Variants in VWF observed in about 807,000 individuals in gnomAD.
VWF encodes von Willebrand factor, also known as Factor VIII related antigen.
In VWF, 176 loss-of-function variants were observed where a neutral mutation model predicts 308.6. That is an observed-to-expected ratio of 0.57 (90% CI 0.50 to 0.65). The LOEUF (loss-of-function observed/expected upper bound fraction) is 0.65, where lower values mean the gene tolerates loss of function less well. Ranked by LOEUF, VWF falls within the 30% of genes least tolerant of loss-of-function variation. The pLI, the probability that VWF is intolerant of heterozygous loss-of-function variation, is 0.00. For missense variants in VWF, 3,146 were observed against 3,648.2 expected (o/e 0.86, Z 3.55); for synonymous variants, 1,385 against 1,443.4 (o/e 0.96, Z 0.92).
chr12:6,063,375 G>T lies in VWF; in HGVS notation c.1433-321C>A, dbSNP rs556709451. Among the ~76,000 whole-genome samples the T allele has an allele frequency of 1.9e-4, 29 of 152,270 alleles. No individual in the cohort carries two copies. The highest frequency in any genetic ancestry group is 6.7e-4 in the African/African-American group (28 of 41,536). On this transcript the variant is annotated intron_variant, in intron 12 of 51. Coordinates refer to ENST00000261405, the MANE Select transcript of VWF (RefSeq NM_000552.5). This position sits in a 1 kb window ranked among gnomAD's most constrained non-coding sequence, Gnocchi z 4.9. ...AGGCAGGTGCCCTGGAGCAGAGGGGGATCTCTTTAGCATTGACACCACGAC... is the reference window on the plus strand; with the variant it reads ...AGGCAGGTGCCCTGGAGCAGAGGGGTATCTCTTTAGCATTGACACCACGAC...
chr12:5,987,219 T>C (rs1176245315), intron 38 of VWF, among the ~76,000 whole-genome samples: 1 of 152,186 alleles, frequency 6.6e-6, no homozygotes, highest in African/African-American at 2.4e-5. Flanking sequence ...TGAGCCACTA[T>C]GCCCGGCCCA....
In VWF at chr12:5,981,929, T is replaced by C. The variant is rs749206995; in HGVS notation, c.7144A>G (p.Thr2382Ala). ...PPSCPPHRLPTLRKTQCCDEY... is the reference protein window; with the variant it reads ...PPSCPPHRLPALRKTQCCDEY... Reference sequence around the variant, plus strand: ...TCACAGCACTGGGTCTTCCGAAGGGTGGGCAAACGGTGCGGGGGGCAGGAG... The same window carrying C: ...TCACAGCACTGGGTCTTCCGAAGGGCGGGCAAACGGTGCGGGGGGCAGGAG... The change falls in exon 42 of 52, where the codon ACC (threonine) becomes GCC (alanine). Residue 2382 changes from threonine (T) to alanine (A), a missense_variant. By Grantham distance (58) the Thr-to-Ala change is moderately conservative. Around this residue, in one of 3 missense-constraint regions of VWF, gnomAD observed 989 missense variants for 1,117.4 expected, o/e 0.89. Transcript: ENST00000261405. 1.5e-6 allele frequency: 2 copies of C among 1,333,778 alleles called. No homozygotes were observed. Among genetic ancestry groups the C allele is most frequent in the Non-Finnish European group, 2.0e-6 (2 of 978,328 alleles). 82.6% of individuals were successfully genotyped at this position (1,333,778 alleles called of 1,614,324 possible). A position where few individuals can be genotyped will look rare whatever the true frequency, so the allele number is the denominator to read the frequency against.
chr12:6,042,145 A>G (rs1247110554), intron 18 of VWF, among the ~76,000 whole-genome samples: 1 of 152,210 alleles, frequency 6.6e-6, no homozygotes, highest in Non-Finnish European at 1.5e-5. Context: ...GGAGTGGGAA[A>G]GCAGGGAAGC....
intron 31 of VWF, among the ~76,000 whole-genome samples, chr12:6,015,180 G>A (rs2363333): frequency 2.6e-5 from 4 of 152,074 alleles, no homozygotes; most frequent in African/African-American, 9.7e-5. Context: ...CTCAACAAAC[G>A]TTAAATGGTC....
At chr12:5,964,826 T>A (rs1439980774) in intron 47 of VWF, among the ~76,000 whole-genome samples, 1 of 152,110 alleles carries the variant, frequency 6.6e-6, no homozygotes, top group Non-Finnish European at 1.5e-5. Context: ...AGGGCAGTTA[T>A]GCGAGAAGAA....
chr12:6,027,827 AAAC>A (rs1360727374), intron 22 of VWF, among the ~76,000 whole-genome samples: 1 of 144,676 alleles, frequency 6.9e-6, no homozygotes, highest in Non-Finnish European at 1.5e-5. Context: ...AGCAATAAAA[AAAC>A]AAATACATGG....
chr12:6,078,318 T>C (rs1338955210), intron 6 of VWF, among the ~76,000 whole-genome samples: 1 of 152,208 alleles, frequency 6.6e-6, no homozygotes, highest in African/African-American at 2.4e-5. Flanking sequence ...AGTGAGTTTC[T>C]AGTAGCAGGG....
Position 5,993,878 on chromosome 12 carries a change from C to T in VWF, c.6582G>A (p.Arg2194=). 1 of 1,613,304 alleles carries T rather than the reference C, an allele frequency of 6.2e-7. No homozygotes were observed. The highest frequency in any genetic ancestry group is 8.5e-7 in the Non-Finnish European group (1 of 1,179,896). ...CRTNGVCVDW[R]TPDFCAMSCP... ...GAGACTCACCACAGAAATCAGGTGT[C>T]CTCCAGTCAACGCAGACCCCGTTGG... is the stretch of plus-strand genomic sequence containing the variant. Residue 2194 remains arginine, a synonymous_variant, in exon 37 of 52, where the codon AGG becomes AGA. Coordinates refer to ENST00000261405, the MANE Select transcript of VWF (RefSeq NM_000552.5).
intron 34 of VWF, among the ~76,000 whole-genome samples, chr12:6,000,472 T>C (rs1331340407): frequency 6.6e-6 from 1 of 152,116 alleles, no homozygotes; most frequent in Non-Finnish European, 1.5e-5. Context: ...TTTAAATACA[T>C]AGGAATTAAT....
chr12:6,047,183 G>A (rs1012824434), intron 16 of VWF, among the ~76,000 whole-genome samples: 5 of 151,942 alleles, frequency 3.3e-5, no homozygotes, highest in African/African-American at 1.2e-4. Flanking sequence ...CCTTCCCCAG[G>A]CTCTGTCCTA....
chr12:6,091,982 G>A (rs902758123), intron 6 of VWF, among the ~76,000 whole-genome samples: 3 of 152,142 alleles, frequency 2.0e-5, no homozygotes, highest in East Asian at 1.9e-4. Context: ...GATGGGCTGC[G>A]CACTCGGGTG....
chr12:6,054,320 A>T (rs1944552728), intron 15 of VWF, among the ~76,000 whole-genome samples: 1 of 152,226 alleles, frequency 6.6e-6, no homozygotes, highest in South Asian at 2.1e-4. Context: ...GGATTATTGG[A>T]TGAATACTGA....
chr12:6,117,416 C>A (rs1472123845), intron 3 of VWF, among the ~76,000 whole-genome samples: 1 of 152,212 alleles, frequency 6.6e-6, no homozygotes, highest in Non-Finnish European at 1.5e-5. Context: ...GTGGAAATGC[C>A]TGGGGGCCCA....
In VWF at chr12:6,045,903, C is replaced by A. The variant is rs952245481; in HGVS notation, c.2281+820G>T. Among the ~76,000 whole-genome samples, 59 of 152,192 alleles carry A rather than the reference C, an allele frequency of 3.9e-4. 1 individual carries two copies. Among genetic ancestry groups the A allele is most frequent in the African/African-American group, 1.4e-3 (57 of 41,440 alleles). On this transcript the variant is annotated intron_variant, in intron 17 of 51. Coordinates refer to ENST00000261405, the MANE Select transcript of VWF (RefSeq NM_000552.5). ...GAAACCCCCAGTACCAGGTCAGCCC[C>A]TTCTCCCTTCCATGCCTGGTCCTTA...
intron 3 of VWF, among the ~76,000 whole-genome samples, chr12:6,120,325 G>A (rs1179572826): frequency 6.6e-6 from 1 of 151,498 alleles, no homozygotes; most frequent in African/African-American, 2.4e-5. Context: ...TTTTTTGTGG[G>A]TTGTTTTTTT....
At chr12:5,977,895 T>TTA (rs570818983) in intron 42 of VWF, among the ~76,000 whole-genome samples, 2 of 148,046 alleles carry the variant, frequency 1.4e-5, no homozygotes, top group African/African-American at 4.9e-5. Flanking sequence ...ATATTATATA[T>TTA]TATATATATT....
At chr12:6,077,749 C>A (rs1342281273) in intron 6 of VWF, among the ~76,000 whole-genome samples, 1 of 152,212 alleles carries the variant, frequency 6.6e-6, no homozygotes, top group Non-Finnish European at 1.5e-5. Context: ...TGGTTACATG[C>A]AGCCTTCCAT....
intron 26 of VWF, among the ~76,000 whole-genome samples, chr12:6,022,492 A>C (rs1400962266): frequency 6.6e-6 from 1 of 151,144 alleles, no homozygotes; most frequent in Admixed American, 6.6e-5. Context: ...AGAAAGTTCT[A>C]TCGGCAGGGG....
At chr12:6,004,618 C>A (rs948080781) in intron 34 of VWF, among the ~76,000 whole-genome samples, 3 of 151,600 alleles carry the variant, frequency 2.0e-5, no homozygotes, top group Non-Finnish European at 4.4e-5. Flanking sequence ...CCATCATACC[C>A]AGAAAACCCT....
Sources: gnomAD v4.1 joint callset for allele counts (sites outside exome capture counted in the v4.1 genomes callset) on GRCh38, gnomAD v4.1.1 for gene constraint, gnomAD v4.1.1 regional missense constraint, Gnocchi (gnomAD v3.1) non-coding constraint, MANE v1.5 for transcripts, NCBI Gene and HGNC (gene_info 2026-07-23, HGNC 2026-07-21) for gene names.